The following IHO1 variants were observed in gnomAD, a reference collection of about 807,000 sequenced individuals.
IHO1 encodes interactor of HORMAD1 1.
A neutral mutation model predicts 31.0 loss-of-function variants in IHO1; 13 were observed. That is an observed-to-expected ratio of 0.42 (90% CI 0.27 to 0.67). The LOEUF (loss-of-function observed/expected upper bound fraction) is 0.67. Ranked by LOEUF, IHO1 falls within the 30% of genes least tolerant of loss-of-function variation. The pLI is 0.24. For missense variants in IHO1, 599 were observed against 687.5 expected, an observed-to-expected ratio of 0.87 and a Z score of 1.44; for synonymous variants, 221 against 248.4, an observed-to-expected ratio of 0.89 and a Z score of 1.04.
rs369156459 is a variant in IHO1, at chr3:49,226,816, C to G, written c.57-9732C>G. On this transcript the variant is annotated intron_variant, in intron 2 of 7. Coordinates refer to ENST00000452691, the MANE Select transcript of IHO1 (RefSeq NM_001135197.2). ...ACATCTATATACCTATCAGGATCAT[C>G]TGAAATCTTCCCCAGATCTACCTTG... is the stretch of plus-strand genomic sequence containing the variant. 4.6e-5 allele frequency among the ~76,000 whole-genome samples: 7 copies of G among 152,314 alleles called. No individual in the cohort carries two copies. The East Asian group carries it at 1.2e-3, about 25-fold the overall frequency.
chr3:49,247,196 G>A (rs547421580), intron 6 of IHO1, among the ~76,000 whole-genome samples: 11 of 151,532 alleles, frequency 7.3e-5, no homozygotes, highest in African/African-American at 2.7e-4. Context: ...GGCCGGGCGT[G>A]GTGGCTCCTG....
intron 3 of IHO1, 134 bp downstream of exon 3, chr3:49,236,856 T>G: frequency 1.3e-6 from 1 of 763,644 alleles, no homozygotes; most frequent in Non-Finnish European, 2.0e-6. Flanking sequence ...CTGAGGCAAG[T>G]GGATCCCTTG....
At chr3:49,212,982 C>T (rs2107688582) in intron 2 of IHO1, among the ~76,000 whole-genome samples, 1 of 152,314 alleles carries the variant, frequency 6.6e-6, no homozygotes, top group African/African-American at 2.4e-5. Context: ...GTCTGTTTTA[C>T]AGAGAGCTGA....
At chr3:49,225,721 A>G (rs2046409788) in intron 2 of IHO1, among the ~76,000 whole-genome samples, 1 of 152,224 alleles carries the variant, frequency 6.6e-6, no homozygotes, top group African/African-American at 2.4e-5. Context: ...ACAACTGAGA[A>G]GGTGGGAGAA....
At chr3:49,215,648 C>T (rs1013568224) in intron 2 of IHO1, among the ~76,000 whole-genome samples, 5 of 152,282 alleles carry the variant, frequency 3.3e-5, no homozygotes, top group African/African-American at 1.2e-4. Context: ...TTGGGTGCTA[C>T]AGCCAAGGAG....
At chr3:49,212,491 G>A (rs2046234246) in intron 2 of IHO1, among the ~76,000 whole-genome samples, 1 of 151,370 alleles carries the variant, frequency 6.6e-6, no homozygotes, top group South Asian at 2.1e-4. Flanking sequence ...ACTCTAGCCT[G>A]GGCAACAGAG....
intron 2 of IHO1, among the ~76,000 whole-genome samples, chr3:49,217,748 G>A (rs1288660490): frequency 1.3e-5 from 2 of 152,216 alleles, no homozygotes; most frequent in Non-Finnish European, 2.9e-5. Flanking sequence ...GTGGGTGATG[G>A]GAGACAGTGA....
chr3:49,240,405 G>C (rs1575583067), intron 3 of IHO1, among the ~76,000 whole-genome samples: 1 of 152,126 alleles, frequency 6.6e-6, no homozygotes, highest in African/African-American at 2.4e-5. Flanking sequence ...TTGTATTTTA[G>C]TAGAGACAGG....
At chr3:49,237,980 C>T (rs548708736) in intron 3 of IHO1, among the ~76,000 whole-genome samples, 1 of 126,966 alleles carries the variant, frequency 7.9e-6, no homozygotes, top group East Asian at 2.8e-4. Context: ...AGTTCACTGA[C>T]TGCAAACTTC....
chr3:49,209,738 G>C (rs532918364), intron 1 of IHO1, among the ~76,000 whole-genome samples: 2 of 150,746 alleles, frequency 1.3e-5, no homozygotes, highest in East Asian at 3.9e-4. Flanking sequence ...TTTTTGAGAA[G>C]GAGTCTTGCA....
rs774548348 is a variant in IHO1 at position 49,257,163 on chromosome 3, C to G, written c.1666C>G (p.Gln556Glu). Residue 556 changes from glutamine to glutamate, a missense_variant, in exon 8 of 8, where the codon CAG becomes GAG. Physicochemically the swap from Gln to Glu is conservative, Grantham distance 29. Transcript: ENST00000452691. ...LLSSSSQGDH[Q>E]MSWFSDLNLG... ...TTCCAGCAGTTCCCAGGGGGACCACCAGATGAGCTGGTTCAGTGACCTCAA... is the reference window on the plus strand; with the variant it reads ...TTCCAGCAGTTCCCAGGGGGACCACGAGATGAGCTGGTTCAGTGACCTCAA... The G allele has an allele frequency of 2.5e-6, 4 of 1,614,184 alleles. No homozygotes were observed. The Admixed American group carries it at 5.0e-5, about 20-fold the overall frequency.
At chr3:49,224,911 A>G (rs1245116181) in intron 2 of IHO1, among the ~76,000 whole-genome samples, 4 of 151,878 alleles carry the variant, frequency 2.6e-5, no homozygotes, top group Non-Finnish European at 5.9e-5. Context: ...CTAAGTAGGC[A>G]GTTGTCTGAT....
chr3:49,244,560 C>A, intron 5 of IHO1, 86 bp from the exon 6 acceptor site: 2 of 1,314,972 alleles, frequency 1.5e-6, no homozygotes, highest in Non-Finnish European at 2.2e-6. Flanking sequence ...TTTTAACTAT[C>A]CCTATTTATC....
At chr3:49,202,493 TTTTGTGTGTG>T (rs2046081935) in intron 1 of IHO1, among the ~76,000 whole-genome samples, 1 of 110,234 alleles carries the variant, frequency 9.1e-6, no homozygotes, top group African/African-American at 3.8e-5. Flanking sequence ...GCCCGGCTAA[TTTTGTGTGTG>T]TGTGTGTGTG....
chr3:49,208,655 G>A (rs555333254), intron 1 of IHO1, among the ~76,000 whole-genome samples: 2 of 152,238 alleles, frequency 1.3e-5, no homozygotes, highest in East Asian at 3.9e-4. Context: ...ATCACCCTTA[G>A]CCATATTTTG....
At chr3:49,237,462 T>C (rs1412856976) in intron 3 of IHO1, among the ~76,000 whole-genome samples, 1 of 152,240 alleles carries the variant, frequency 6.6e-6, no homozygotes, top group Non-Finnish European at 1.5e-5. Context: ...AGGATTACTC[T>C]CCTAAAGGGA....
chr3:49,250,934 G>T (rs2046752318), intron 6 of IHO1, among the ~76,000 whole-genome samples: 1 of 151,934 alleles, frequency 6.6e-6, no homozygotes, highest in African/African-American at 2.4e-5. Context: ...TGAGGCAGGA[G>T]AATCGCTTGA....
Position 49,219,173 on chromosome 3 carries a change from C to T in IHO1, c.56+7337C>T, listed in dbSNP as rs549459709. Among the ~76,000 whole-genome samples the T allele has an allele frequency of 3.3e-5, 5 of 152,274 alleles. 1 individual carries two copies. Among genetic ancestry groups the T allele is most frequent in the African/African-American group, 4.8e-5 (2 of 41,566 alleles). ...ACAGGCCCCCAAGTCTGGCCATAAA[C>T]GGGCCTCAAAACTGGCCAAAAACAA... On this transcript the variant is annotated intron_variant, in intron 2 of 7. Coordinates refer to ENST00000452691, the MANE Select transcript of IHO1 (RefSeq NM_001135197.2).
upstream of IHO1, among the ~76,000 whole-genome samples, chr3:49,194,008 G>A (rs1575558071): frequency 2.0e-5 from 3 of 149,458 alleles, no homozygotes; most frequent in Admixed American, 2.0e-4. Flanking sequence ...CGTGGCTCAC[G>A]TCTGTAGCCC....
Sources: allele counts gnomAD v4.1 joint callset (sites outside exome capture counted in the v4.1 genomes callset), GRCh38; gene constraint gnomAD v4.1.1; transcripts MANE v1.5; gene names NCBI Gene and HGNC (gene_info 2026-07-23, HGNC 2026-07-21).